MED13L: variants seen among roughly 807,000 people sequenced by gnomAD.
MED13L encodes the protein mediator of RNA polymerase II transcription subunit 13-like.
MED13L carries 7 observed loss-of-function variants against 220.9 expected under a neutral mutation model. That is an observed-to-expected ratio of 0.03 (90% confidence interval 0.02 to 0.06). The LOEUF (loss-of-function observed/expected upper bound fraction) is 0.06, where lower values mean the gene tolerates loss of function less well. Ranked by LOEUF, MED13L falls within the 10% of genes least tolerant of loss-of-function variation. The probability of loss-of-function intolerance (pLI) is 1.00; values close to 1 mark genes in which losing one functional copy is unlikely to be tolerated. For missense variants in MED13L, 1,965 were observed against 2,760.5 expected, an observed-to-expected ratio of 0.71 and a Z score of 6.46; for synonymous variants, 1,011 against 1,015.2, an observed-to-expected ratio of 1.00 and a Z score of 0.08.
Position 115,986,407 on chromosome 12 carries a change from G to A in MED13L, c.4197C>T (p.Phe1399=). Residue 1399 remains phenylalanine (F), a synonymous_variant, in exon 19 of 31, where the codon TTC becomes TTT. Coordinates refer to ENST00000281928, the MANE Select transcript of MED13L (RefSeq NM_015335.5). ...YDKDFLTISP[F]SLPFWERLLL... is the part of the protein sequence containing the mutation. ...AGAGCCTCTCCCAAAACGGCAAGGAGAATGGCGAGATGGTGAGGAAATCCT... is the reference window on the plus strand; with the variant it reads ...AGAGCCTCTCCCAAAACGGCAAGGAAAATGGCGAGATGGTGAGGAAATCCT... 6.2e-7 allele frequency: 1 copy of A among 1,614,174 alleles called. No individual in the cohort carries two copies.
At chr12:116,258,573 T>A (rs576761671) in intron 1 of MED13L, among the ~76,000 whole-genome samples, 1 of 152,160 alleles carries the variant, frequency 6.6e-6, no homozygotes, top group East Asian at 1.9e-4. Context: ...GGTCAGGAGT[T>A]CGAGACCAGC....
chr12:116,091,243 ATATT>A (rs1412990568), intron 4 of MED13L, among the ~76,000 whole-genome samples: 1 of 152,126 alleles, frequency 6.6e-6, no homozygotes, highest in African/African-American at 2.4e-5. Flanking sequence ...AAAATAGCAC[ATATT>A]TAAATATATT....
intron 2 of MED13L, among the ~76,000 whole-genome samples, chr12:116,214,053 C>G (rs1882862943): frequency 6.6e-6 from 1 of 152,236 alleles, no homozygotes; most frequent in African/African-American, 2.4e-5. Context: ...CACAGCTACT[C>G]TGCCTATGGG....
chr12:116,194,866 C>G (rs1881515726), intron 2 of MED13L, among the ~76,000 whole-genome samples: 1 of 152,088 alleles, frequency 6.6e-6, no homozygotes, highest in Non-Finnish European at 1.5e-5. Context: ...ATTTTAAAGA[C>G]CTACCTAACT....
chr12:116,033,986 C>T (rs1176251274), intron 4 of MED13L, among the ~76,000 whole-genome samples: 1 of 152,088 alleles, frequency 6.6e-6, no homozygotes, highest in Non-Finnish European at 1.5e-5. Context: ...AGACTGAACG[C>T]TCTCTGTGAG....
At chr12:116,200,793 A>G (rs1434521311) in intron 2 of MED13L, among the ~76,000 whole-genome samples, 4 of 152,236 alleles carry the variant, frequency 2.6e-5, no homozygotes, top group Non-Finnish European at 5.9e-5. Flanking sequence ...AAATAAAAGC[A>G]CTACGCAGCA....
chr12:116,111,878 G>A (rs1326497004), intron 2 of MED13L, among the ~76,000 whole-genome samples: 1 of 152,100 alleles, frequency 6.6e-6, no homozygotes, highest in Non-Finnish European at 1.5e-5. Flanking sequence ...AAGGTAAAAA[G>A]AATGTCACAA....
intron 2 of MED13L, among the ~76,000 whole-genome samples, chr12:116,116,575 C>G (rs1874539606): frequency 6.6e-6 from 1 of 152,012 alleles, no homozygotes; most frequent in Admixed American, 6.6e-5. Flanking sequence ...AGCAAATTAA[C>G]AGAACCCAAG....
chr12:116,251,798 C>T (rs1002009625), intron 1 of MED13L, among the ~76,000 whole-genome samples: 2 of 149,916 alleles, frequency 1.3e-5, no homozygotes, highest in South Asian at 4.2e-4. Context: ...ATGTTACCTA[C>T]AAGAAATGCA....
Position 116,276,349 on chromosome 12 carries a change from TGTGC to T in MED13L, c.72+707_72+710del, listed in dbSNP as rs200291063. On this transcript the variant is annotated intron_variant, in intron 1 of 30. Transcript: ENST00000281928. ...GTGTGTGTGTGTGTGTGTGTGTGTGTGTGCGGATTCGTTGTTAGGATAGAGAAAA... is the reference window on the plus strand; with the variant it reads ...GTGTGTGTGTGTGTGTGTGTGTGTGTGGATTCGTTGTTAGGATAGAGAAAA... 640 of 646,244 alleles carry T rather than the reference TGTGC, an allele frequency of 9.9e-4. 8 individuals are homozygous for T. The highest frequency in any genetic ancestry group is 7.9e-3 in the East Asian group (118 of 14,994). 40.0% of individuals were successfully genotyped at this position (646,244 alleles called of 1,614,324 possible).
chr12:116,122,773 C>T (rs1014418625), intron 2 of MED13L, among the ~76,000 whole-genome samples: 23 of 152,130 alleles, frequency 1.5e-4, no homozygotes, highest in Admixed American at 1.4e-3. Context: ...ATTTTAATGA[C>T]AGTTTCTACA....
intron 2 of MED13L, among the ~76,000 whole-genome samples, chr12:116,124,123 CG>C (rs148228530): frequency 1.0e-4 from 14 of 133,598 alleles, no homozygotes; most frequent in African/African-American, 2.7e-4. Flanking sequence ...GAGAGAAAGA[CG>C]AGAGAGAGAG....
In MED13L at chr12:116,272,815, A is replaced by G. The variant is rs1489166595; in HGVS notation, c.72+4245T>C. ...ATGGCTCTTTAAAACAGTCCAGTAAACTGCTACACTATGCCTTAAATTGCT... is the reference window on the plus strand; with the variant it reads ...ATGGCTCTTTAAAACAGTCCAGTAAGCTGCTACACTATGCCTTAAATTGCT... On this transcript the variant is annotated intron_variant, in intron 1 of 30. Coordinates refer to ENST00000281928, the MANE Select transcript of MED13L (RefSeq NM_015335.5). Among the ~76,000 whole-genome samples the G allele has an allele frequency of 3.9e-5, 6 of 152,206 alleles. No homozygotes were observed. In the East Asian group the frequency reaches 1.2e-3, roughly 29 times the overall value.
chr12:116,129,925 A>C (rs1875926775), intron 2 of MED13L, among the ~76,000 whole-genome samples: 1 of 151,732 alleles, frequency 6.6e-6, no homozygotes, highest in Admixed American at 6.6e-5. Flanking sequence ...AAAAAAAAGA[A>C]AGAAAGAAAG....
At chr12:115,970,473 T>G (rs1423469068) in intron 27 of MED13L, 121 bp downstream of exon 27, 2 of 1,005,784 alleles carry the variant, frequency 2.0e-6, no homozygotes, top group African/African-American at 3.2e-5. Flanking sequence ...TTCTATCCCC[T>G]CTTTATAGTT....
At chr12:116,231,627 T>C (rs1159465348) in intron 2 of MED13L, among the ~76,000 whole-genome samples, 2 of 152,128 alleles carry the variant, frequency 1.3e-5, no homozygotes, top group Non-Finnish European at 2.9e-5. Context: ...ATTGGGAAAT[T>C]TGAATATGGA....
intron 14 of MED13L, 88 bp from the exon 15 acceptor site, chr12:115,997,318 A>G (rs1878468051): frequency 7.0e-6 from 7 of 993,416 alleles, no homozygotes; most frequent in Non-Finnish European, 1.1e-5. Context: ...TTTGGCACCA[A>G]AAATAGTGCT....
intron 1 of MED13L, among the ~76,000 whole-genome samples, chr12:116,251,232 G>A (rs962684356): frequency 7.2e-5 from 10 of 139,470 alleles, no homozygotes; most frequent in Non-Finnish European, 1.4e-4. Context: ...TTAAACCCAA[G>A]TAAATCAACA....
In MED13L at chr12:115,968,947, T is replaced by C. The variant is rs779193379; in HGVS notation, c.6218A>G (p.His2073Arg). ...ACTCCAAATCATCCTTACCCGACTA[T>C]GCTGGAAGTGAGAGCCCACACCAAT... The part of the protein sequence containing the change: ...SGIGVGSHFQ[H>R]SRSQGERLLS... The change falls in exon 28 of 31, where the codon CAT (histidine) becomes CGT (arginine). Residue 2073 changes from histidine (H) to arginine (R), a missense_variant. Physicochemically the swap from His to Arg is conservative, Grantham distance 29 (BLOSUM62 0). Around this residue, in one of 10 missense-constraint regions of MED13L, gnomAD observed 145 missense variants for 328.3 expected, o/e 0.44. Coordinates refer to ENST00000281928, the MANE Select transcript of MED13L (RefSeq NM_015335.5). The C allele has an allele frequency of 1.2e-6, 2 of 1,613,966 alleles. No homozygotes were observed. The highest frequency in any genetic ancestry group is 1.7e-6 in the Non-Finnish European group (2 of 1,179,932).
Sources: gnomAD v4.1 joint callset for allele counts (sites outside exome capture counted in the v4.1 genomes callset) on GRCh38, gnomAD v4.1.1 for gene constraint, gnomAD v4.1.1 regional missense constraint, MANE v1.5 for transcripts, NCBI Gene and HGNC (gene_info 2026-07-23, HGNC 2026-07-21) for gene names.